Variants in LUC7L2 observed in about 807,000 individuals in gnomAD.
LUC7L2 encodes the protein LUC7 like 2, pre-mRNA splicing factor, also known as putative RNA-binding protein Luc7-like 2.
Under a neutral mutation model 52.8 loss-of-function variants are expected in LUC7L2, and 25 were observed. The observed-to-expected ratio is 0.47, with a 90% CI of 0.34 to 0.66. The LOEUF (loss-of-function observed/expected upper bound fraction) is 0.66. Ranked by LOEUF, LUC7L2 falls within the 30% of genes least tolerant of loss-of-function variation. The pLI is 0.01. For missense variants in LUC7L2, 328 were observed against 497.8 expected (o/e 0.66, Z 3.25); for synonymous variants, 144 against 160.9 (o/e 0.89, Z 0.80).
At chr7:139,373,325 A>G (rs962971217) in intron 1 of LUC7L2, among the ~76,000 whole-genome samples, 2 of 152,236 alleles carry the variant, frequency 1.3e-5, no homozygotes, top group Non-Finnish European at 2.9e-5. Context: ...AAAAATATCA[A>G]TAAACAGTCA....
chr7:139,413,126 C>T (rs1585132059), intron 8 of LUC7L2, among the ~76,000 whole-genome samples: 1 of 152,200 alleles, frequency 6.6e-6, no homozygotes, highest in East Asian at 1.9e-4. Flanking sequence ...GAGGCATTTG[C>T]AGCCTTAAAA....
At chr7:139,355,002 C>A (rs1212263136), upstream of LUC7L2, among the ~76,000 whole-genome samples, 1 of 151,900 alleles carries the variant, frequency 6.6e-6, no homozygotes, top group Non-Finnish European at 1.5e-5. Flanking sequence ...GGATTACTGG[C>A]GCACAACATG....
chr7:139,407,025 GCT>G, intron 5 of LUC7L2, 147 bp from the exon 6 acceptor site: 2 of 124,326 alleles, frequency 1.6e-5, no homozygotes, highest in Non-Finnish European at 2.3e-5. Context: ...TTTTTTTTGA[GCT>G]GGAGTCTCGC....
chr7:139,359,587 C>G (rs1799745388), upstream of LUC7L2: 1 of 385,896 alleles, frequency 2.6e-6, no homozygotes, highest in East Asian at 3.7e-5. Context: ...AGGCTAACCT[C>G]TAGCGCATTT....
upstream of LUC7L2, among the ~76,000 whole-genome samples, chr7:139,358,439 G>C (rs1436138335): frequency 2.0e-5 from 3 of 152,122 alleles, no homozygotes; most frequent in Non-Finnish European, 4.4e-5. Context: ...TCCTTTCAAA[G>C]TATCCAGGAA....
rs10261557 is a variant in LUC7L2 at position 139,414,291 on chromosome 7, G to T, written c.809+1711G>T. Among the ~76,000 whole-genome samples, 13 of 152,184 alleles carry T rather than the reference G, an allele frequency of 8.5e-5. No homozygotes were observed. In the South Asian group the frequency reaches 1.9e-3, roughly 22 times the overall value. ...TACCAAAGCTTTTACATAGGGTGACGGTGTGGCCTGGGGTGTCCAATCTTT... is the reference window on the plus strand; with the variant it reads ...TACCAAAGCTTTTACATAGGGTGACTGTGTGGCCTGGGGTGTCCAATCTTT... On this transcript the variant is annotated intron_variant, in intron 8 of 9. Transcript: ENST00000354926.
chr7:139,366,309 A>G (rs1402031364), intron 1 of LUC7L2, among the ~76,000 whole-genome samples: 3 of 152,216 alleles, frequency 2.0e-5, no homozygotes, highest in South Asian at 2.1e-4. Context: ...TCTCCTGAAT[A>G]TGGTAAATGG....
At chr7:139,358,308 G>A (rs186225480), upstream of LUC7L2, among the ~76,000 whole-genome samples, 3 of 152,222 alleles carry the variant, frequency 2.0e-5, no homozygotes, top group East Asian at 1.9e-4. Context: ...CCTCCCAGCC[G>A]CAATATACAT....
chr7:139,370,847 A>G (rs1482612023), intron 1 of LUC7L2, among the ~76,000 whole-genome samples: 6 of 152,164 alleles, frequency 3.9e-5, no homozygotes, highest in African/African-American at 1.4e-4. Flanking sequence ...TTCCCACATT[A>G]TTACGTGAAC....
chr7:139,364,338 G>A (rs895081942), intron 1 of LUC7L2, among the ~76,000 whole-genome samples: 1 of 152,024 alleles, frequency 6.6e-6, no homozygotes, highest in African/African-American at 2.4e-5. Context: ...TGGGAGCAGA[G>A]ACCACCTTCG....
chr7:139,416,641 A>G (rs1795635775), intron 8 of LUC7L2: 1 of 152,064 alleles, frequency 6.6e-6, no homozygotes, highest in Non-Finnish European at 1.5e-5. Context: ...TTGGGTGATC[A>G]TCCTTCCTTA....
At chr7:139,402,108 C>T (rs1794942541) in intron 3 of LUC7L2, 29 bp from the exon 4 acceptor site, 1 of 1,549,402 alleles carries the variant, frequency 6.5e-7, no homozygotes, top group Non-Finnish European at 8.7e-7. Context: ...GACTTTCTGA[C>T]AGTAATTGTC....
At chr7:139,343,800 T>C (rs1048069486) in intron 1 of LUC7L2, among the ~76,000 whole-genome samples, 5 of 151,094 alleles carry the variant, frequency 3.3e-5, no homozygotes, top group African/African-American at 7.3e-5. Flanking sequence ...CCGGATATGG[T>C]GGTGTGCGTC....
chr7:139,355,644 G>C, upstream of LUC7L2, among the ~76,000 whole-genome samples: 1 of 152,138 alleles, frequency 6.6e-6, no homozygotes, highest in Non-Finnish European at 1.5e-5. Context: ...ATTAGATACA[G>C]CTCCATAGTG....
intron 3 of LUC7L2, among the ~76,000 whole-genome samples, chr7:139,400,621 T>C (rs1025476621): frequency 1.3e-5 from 2 of 152,224 alleles, no homozygotes; most frequent in African/African-American, 2.4e-5. Context: ...CTTCATTTTA[T>C]AGACTTTTAA....
upstream of LUC7L2, among the ~76,000 whole-genome samples, chr7:139,355,392 C>A (rs1236918504): frequency 2.0e-5 from 3 of 151,216 alleles, no homozygotes; most frequent in African/African-American, 7.3e-5. Flanking sequence ...ACAAAGAAAA[C>A]CAGGCACACA....
chr7:139,360,375 G>C (rs2131174374), intron 1 of LUC7L2, 53 bp downstream of exon 1: 1 of 1,523,902 alleles, frequency 6.6e-7, no homozygotes, highest in South Asian at 1.2e-5. Flanking sequence ...GACGGCGAAG[G>C]GAAGGGGTTC....
intron 1 of LUC7L2, chr7:139,341,536 G>A: frequency 6.2e-7 from 1 of 1,608,790 alleles, no homozygotes; most frequent in Non-Finnish European, 8.5e-7. Flanking sequence ...CGGGAGCCAT[G>A]TCCCGGGTGC....
At position 139,407,074 on chromosome 7, in the gene LUC7L2, T is replaced by A. The variant is rs139560320; in HGVS notation, c.511-100T>A. ...ACCGTGCCCAGCCACTTTTGTGTATTTTTTAGAAAACACTTTTGGTATAAG... is the reference window on the plus strand; with the variant it reads ...ACCGTGCCCAGCCACTTTTGTGTATATTTTAGAAAACACTTTTGGTATAAG... On this transcript the variant is annotated intron_variant, in intron 5 of 9. Transcript: ENST00000354926. The A allele has an allele frequency of 8.0e-6, 10 of 1,256,666 alleles. No individual in the cohort carries two copies. In the East Asian group the frequency reaches 2.7e-4, roughly 34 times the overall value. 77.8% of individuals were successfully genotyped at this position (1,256,666 alleles called of 1,614,324 possible).
Sources: allele counts gnomAD v4.1 joint callset (sites outside exome capture counted in the v4.1 genomes callset), GRCh38; gene constraint gnomAD v4.1.1; transcripts MANE v1.5; gene names NCBI Gene and HGNC (gene_info 2026-07-23, HGNC 2026-07-21).